The following CTNNA2 variants were observed in gnomAD, a reference collection of about 807,000 sequenced individuals.
The protein encoded by CTNNA2 is catenin alpha-2.
CTNNA2 carries 42 observed loss-of-function variants against 101.0 expected under a neutral mutation model. The ratio of observed to expected loss-of-function variants is 0.42; its 90% CI spans 0.32 to 0.54. The LOEUF (loss-of-function observed/expected upper bound fraction) is 0.54. CTNNA2 is among the 20% of genes least tolerant of loss of function. CTNNA2 has a pLI of 0.14. For synonymous variants in CTNNA2, 450 were observed against 456.4 expected (o/e 0.99, Z 0.18); for missense variants, 871 against 1,223.1 (o/e 0.71, Z 4.29).
intron 1 of CTNNA2, among the ~76,000 whole-genome samples, chr2:79,195,447 G>A (rs1673946829): frequency 1.3e-5 from 2 of 152,184 alleles, no homozygotes; most frequent in South Asian, 4.2e-4. Context: ...CTTGTCTCTG[G>A]TAGTCTTTAG....
At position 80,532,954 on chromosome 2, in the gene CTNNA2, G is replaced by A. The variant is rs77328357; in HGVS notation, c.1291-12028G>A. Reference sequence around the variant, plus strand: ...GTAAGAAAGCACCCATGACAGGGAGGCTGCCTTGGAACTACGTTTATAGCT... The same window carrying A: ...GTAAGAAAGCACCCATGACAGGGAGACTGCCTTGGAACTACGTTTATAGCT... On this transcript the variant is annotated intron_variant, in intron 9 of 18. Coordinates refer to ENST00000402739, the MANE Select transcript of CTNNA2 (RefSeq NM_001282597.3). Among the ~76,000 whole-genome samples the A allele has an allele frequency of 5.2e-3, 797 of 152,228 alleles. 6 individuals are homozygous for A. The highest frequency in any genetic ancestry group is 0.018 in the African/African-American group (754 of 41,550).
chr2:80,328,251 G>C, intron 7 of CTNNA2: 1 of 470,812 alleles, frequency 2.1e-6, no homozygotes, highest in South Asian at 1.6e-5. Context: ...AGCATGATCA[G>C]TTCCTCATTA....
intron 7 of CTNNA2, among the ~76,000 whole-genome samples, chr2:80,343,984 T>A (rs1672476614): frequency 6.6e-6 from 1 of 152,142 alleles, no homozygotes; most frequent in Non-Finnish European, 1.5e-5. Context: ...GGAAGAGCTA[T>A]TCCAGTATTT....
At chr2:79,561,457 G>C (rs1196571551) in intron 1 of CTNNA2, among the ~76,000 whole-genome samples, 1 of 151,850 alleles carries the variant, frequency 6.6e-6, no homozygotes, top group Admixed American at 6.6e-5. Context: ...CCAAGGAGTG[G>C]AATCGTTTAG....
At chr2:79,262,984 A>G (rs1167872376) in intron 2 of CTNNA2, among the ~76,000 whole-genome samples, 1 of 152,226 alleles carries the variant, frequency 6.6e-6, no homozygotes, top group Non-Finnish European at 1.5e-5. Context: ...GTGAAAGGCT[A>G]TCTCTCCAAA....
At chr2:80,394,237 C>T (rs1269115079) in intron 8 of CTNNA2, among the ~76,000 whole-genome samples, 3 of 152,206 alleles carry the variant, frequency 2.0e-5, no homozygotes, top group African/African-American at 7.2e-5. Context: ...ACAAAATTAG[C>T]AAGAGGCCTG....
At chr2:80,337,993 T>A (rs1268024689) in intron 7 of CTNNA2, among the ~76,000 whole-genome samples, 1 of 149,650 alleles carries the variant, frequency 6.7e-6, no homozygotes, top group African/African-American at 2.4e-5. Context: ...AGTTTACTTT[T>A]CTTTTTTTTT....
At chr2:79,806,975 A>C (rs1012845915) in intron 3 of CTNNA2, among the ~76,000 whole-genome samples, 1 of 152,036 alleles carries the variant, frequency 6.6e-6, no homozygotes, top group African/African-American at 2.4e-5. Context: ...CCTGAGTCCT[A>C]TTCCTCCAAC....
At chr2:79,241,638 T>A (rs2861790) in intron 2 of CTNNA2, among the ~76,000 whole-genome samples, 18,101 of 152,162 alleles carry the variant, frequency 0.12, 1,665 homozygotes, top group African/African-American at 0.24. Flanking sequence ...ATTGGAAGTT[T>A]TAAGGAAGTA....
intron 4 of CTNNA2, among the ~76,000 whole-genome samples, chr2:79,456,869 T>C (rs1428337183): frequency 3.3e-5 from 5 of 152,136 alleles, no homozygotes; most frequent in African/African-American, 7.2e-5. Context: ...TGTGTTAGAC[T>C]ACAAATAGAG....
intron 16 of CTNNA2, among the ~76,000 whole-genome samples, chr2:80,605,965 T>G (rs1405932921): frequency 6.6e-6 from 1 of 151,848 alleles, no homozygotes; most frequent in Non-Finnish European, 1.5e-5. Context: ...GGGTTTTTTT[T>G]GACAGACTTC....
chr2:79,337,551 CT>C (rs1677021624), intron 3 of CTNNA2, among the ~76,000 whole-genome samples: 1 of 152,154 alleles, frequency 6.6e-6, no homozygotes. Flanking sequence ...ACATGTACCC[CT>C]GAACCTAAAA....
chr2:80,194,896 C>G (rs1042707295), intron 7 of CTNNA2, among the ~76,000 whole-genome samples: 39 of 151,350 alleles, frequency 2.6e-4, no homozygotes, highest in African/African-American at 9.2e-4. Context: ...CTTTAGATTC[C>G]TGCTTTGAAG....
chr2:80,257,427 A>C (rs1558946679), intron 7 of CTNNA2, among the ~76,000 whole-genome samples: 1 of 152,174 alleles, frequency 6.6e-6, no homozygotes, highest in Non-Finnish European at 1.5e-5. Context: ...AAATTTTCAG[A>C]TGACACATGT....
chr2:79,969,157 A>G (rs1690297134), intron 7 of CTNNA2, among the ~76,000 whole-genome samples: 1 of 152,196 alleles, frequency 6.6e-6, no homozygotes, highest in Admixed American at 6.5e-5. Context: ...ACTACCAACC[A>G]ATATTAAATC....
At chr2:79,241,394 A>G (rs1268379775) in intron 2 of CTNNA2, among the ~76,000 whole-genome samples, 1 of 152,212 alleles carries the variant, frequency 6.6e-6, no homozygotes, top group East Asian at 1.9e-4. Flanking sequence ...AAGATACTGC[A>G]ACAGTTAATT....
intron 7 of CTNNA2, among the ~76,000 whole-genome samples, chr2:80,172,981 G>A (rs1021008577): frequency 3.9e-5 from 6 of 152,146 alleles, no homozygotes; most frequent in African/African-American, 1.2e-4. Context: ...CTGAAGTCCT[G>A]GGGGGTGAGT....
chr2:79,851,846 A>G (rs984930213), intron 3 of CTNNA2, among the ~76,000 whole-genome samples: 2 of 146,766 alleles, frequency 1.4e-5, no homozygotes, highest in Non-Finnish European at 3.0e-5. Context: ...GACTCAAGCG[A>G]TACTCCTGTC....
At position 80,135,501 on chromosome 2, in the gene CTNNA2, G is replaced by A. The variant is rs981327170; in HGVS notation, c.1056+225704G>A. Among the ~76,000 whole-genome samples, 3 of 152,198 alleles carry A rather than the reference G, an allele frequency of 2.0e-5. 1 individual carries two copies. The highest frequency in any genetic ancestry group is 4.4e-5 in the Non-Finnish European group (3 of 68,044). ...CTGTAGAGGAATCCTGCCTTACTGAGGTTGGGCAGATGTCCCACGTCTCTT... is the reference window on the plus strand; with the variant it reads ...CTGTAGAGGAATCCTGCCTTACTGAAGTTGGGCAGATGTCCCACGTCTCTT... On this transcript the variant is annotated intron_variant, in intron 7 of 18. Transcript: ENST00000402739.
Sources: allele counts gnomAD v4.1 joint callset (sites outside exome capture counted in the v4.1 genomes callset), GRCh38; gene constraint gnomAD v4.1.1; transcripts MANE v1.5; gene names NCBI Gene and HGNC (gene_info 2026-07-23, HGNC 2026-07-21).